Variants in CACNA2D1 observed in about 807,000 individuals in gnomAD.
CACNA2D1 encodes calcium voltage-gated channel auxiliary subunit alpha2delta 1.
A neutral mutation model predicts 171.5 loss-of-function variants in CACNA2D1; 53 were observed. That is an observed-to-expected ratio of 0.31 (90% CI 0.25 to 0.39). The LOEUF (loss-of-function observed/expected upper bound fraction) is 0.39, where lower values mean the gene tolerates loss of function less well. Ranked by LOEUF, CACNA2D1 falls within the 10% of genes least tolerant of loss-of-function variation. CACNA2D1 has a pLI of 1.00. For missense variants in CACNA2D1, 903 were observed against 1,299.8 expected (o/e 0.69, Z 4.69); for synonymous variants, 442 against 443.1 (o/e 1.00, Z 0.03).
At chr7:82,110,596 A>C (rs1453968040) in intron 6 of CACNA2D1, among the ~76,000 whole-genome samples, 3 of 152,102 alleles carry the variant, frequency 2.0e-5, no homozygotes, top group African/African-American at 7.2e-5. Context: ...GTCTGCTGCT[A>C]CCCCTGCTCC....
intron 4 of CACNA2D1, among the ~76,000 whole-genome samples, chr7:82,156,727 A>T (rs2367910): frequency 9.2e-5 from 14 of 151,660 alleles, no homozygotes; most frequent in African/African-American, 2.7e-4. Flanking sequence ...TTTGTGAACA[A>T]GTAAATTGAA....
At position 82,154,678 on chromosome 7, in the gene CACNA2D1, G is replaced by T. The variant is rs573281829; in HGVS notation, c.354+15872C>A. On this transcript the variant is annotated intron_variant, in intron 4 of 38. Transcript: ENST00000356860. Reference sequence around the variant, plus strand: ...AGAGTATTGTACTGAAATTAAAGAGGTATAAAATTTGATTCAGAAACTGAA... The same window carrying T: ...AGAGTATTGTACTGAAATTAAAGAGTTATAAAATTTGATTCAGAAACTGAA... Among the ~76,000 whole-genome samples, 7 of 152,216 alleles carry T rather than the reference G, an allele frequency of 4.6e-5. No individual in the cohort carries two copies. In the East Asian group the frequency reaches 1.4e-3, roughly 29 times the overall value.
intron 3 of CACNA2D1, among the ~76,000 whole-genome samples, chr7:82,240,919 A>G (rs138667976): frequency 0.013 from 1,930 of 152,004 alleles, 84 homozygotes; most frequent in East Asian, 0.11. Flanking sequence ...GTGAGCCGAG[A>G]TCGTGCCACT....
At chr7:81,991,788 A>G (rs1365183883) in intron 20 of CACNA2D1, among the ~76,000 whole-genome samples, 2 of 152,116 alleles carry the variant, frequency 1.3e-5, no homozygotes, top group Non-Finnish European at 2.9e-5. Context: ...GCATGGCTCT[A>G]TCTTTTATAC....
intron 3 of CACNA2D1, among the ~76,000 whole-genome samples, chr7:82,310,129 A>G (rs2129432338): frequency 6.6e-6 from 1 of 152,208 alleles, no homozygotes; most frequent in East Asian, 1.9e-4. Context: ...TATCTTTCTT[A>G]CAAATTATGA....
intron 1 of CACNA2D1, among the ~76,000 whole-genome samples, chr7:82,363,254 C>CTCTTTTTTTTTTTTTTTTTTTT (rs1821286522): frequency 1.6e-5 from 1 of 63,432 alleles, no homozygotes; most frequent in African/African-American, 8.4e-5. Flanking sequence ...TTATTTGTCT[C>CTCTTTTTTTTTTTTTTTTTTTT]TTTTTTTTTT....
intron 3 of CACNA2D1, among the ~76,000 whole-genome samples, chr7:82,219,702 A>G (rs1289348064): frequency 6.6e-6 from 1 of 152,110 alleles, no homozygotes; most frequent in East Asian, 1.9e-4. Context: ...AATAACTTTA[A>G]ATTTATACAT....
intron 12 of CACNA2D1, among the ~76,000 whole-genome samples, chr7:82,031,789 G>A (rs1802732259): frequency 6.6e-6 from 1 of 151,816 alleles, no homozygotes; most frequent in South Asian, 2.1e-4. Context: ...CCCAATCCAT[G>A]TGTGTTCCTC....
At chr7:82,401,991 T>C (rs762258296) in intron 1 of CACNA2D1, among the ~76,000 whole-genome samples, 2 of 152,184 alleles carry the variant, frequency 1.3e-5, no homozygotes, top group African/African-American at 2.4e-5. Flanking sequence ...TTAGTTTCTT[T>C]TTTCACAGAA....
intron 3 of CACNA2D1, among the ~76,000 whole-genome samples, chr7:82,227,691 T>C (rs1375254574): frequency 6.6e-6 from 1 of 152,206 alleles, no homozygotes. Flanking sequence ...TCCAGGTTCA[T>C]AAACCATTGT....
At chr7:82,168,081 T>C (rs1234799779) in intron 4 of CACNA2D1, among the ~76,000 whole-genome samples, 1 of 152,120 alleles carries the variant, frequency 6.6e-6, no homozygotes, top group East Asian at 1.9e-4. Flanking sequence ...TTTTTTCACT[T>C]TTTGACATCT....
chr7:81,999,133 C>T lies in CACNA2D1; in HGVS notation c.1591-1883G>A, dbSNP rs183613279. On this transcript the variant is annotated intron_variant, in intron 18 of 38. Coordinates refer to ENST00000356860, the MANE Select transcript of CACNA2D1 (RefSeq NM_000722.4). ...ACCCAAACAGCATGCATGGAGGAGG[C>T]ATTATCAGGAAGAATTGGCAATATG... 4.6e-3 allele frequency among the ~76,000 whole-genome samples: 705 copies of T among 152,152 alleles called. 4 individuals carry two copies. The highest frequency in any genetic ancestry group is 6.8e-3 in the Middle Eastern group (2 of 294).
At chr7:82,427,061 T>C (rs1173303908) in intron 1 of CACNA2D1, among the ~76,000 whole-genome samples, 1 of 152,174 alleles carries the variant, frequency 6.6e-6, no homozygotes, top group East Asian at 1.9e-4. Context: ...TAATCAGTAA[T>C]ATACGCAGTT....
intron 7 of CACNA2D1, among the ~76,000 whole-genome samples, chr7:82,084,022 T>A (rs1226724809): frequency 6.6e-6 from 1 of 152,152 alleles, no homozygotes; most frequent in African/African-American, 2.4e-5. Flanking sequence ...AGAAAACGCA[T>A]TTTATGTTTT....
At chr7:82,313,319 G>A (rs946094477) in intron 3 of CACNA2D1, among the ~76,000 whole-genome samples, 4 of 150,874 alleles carry the variant, frequency 2.7e-5, no homozygotes, top group African/African-American at 7.3e-5. Context: ...ATTTTGAGAC[G>A]GCTATTCAGA....
chr7:82,247,970 C>A (rs893910131), intron 3 of CACNA2D1, among the ~76,000 whole-genome samples: 1 of 152,110 alleles, frequency 6.6e-6, no homozygotes, highest in African/African-American at 2.4e-5. Context: ...GGAAATAACA[C>A]AAATGCCAGG....
At chr7:82,179,568 C>T (rs1180893357) in intron 3 of CACNA2D1, among the ~76,000 whole-genome samples, 1 of 152,044 alleles carries the variant, frequency 6.6e-6, no homozygotes, top group Non-Finnish European at 1.5e-5. Context: ...TAAACACCAA[C>T]CTAAGTTGCC....
intron 12 of CACNA2D1, among the ~76,000 whole-genome samples, chr7:82,022,280 T>C (rs1265308425): frequency 1.3e-5 from 2 of 151,376 alleles, no homozygotes; most frequent in Admixed American, 1.3e-4. Flanking sequence ...TTTAAATTGA[T>C]GATCGCTCTA....
intron 7 of CACNA2D1, among the ~76,000 whole-genome samples, chr7:82,082,360 C>T (rs1002583779): frequency 1.3e-5 from 2 of 152,048 alleles, no homozygotes; most frequent in Admixed American, 6.5e-5. Context: ...GCTCTTAGAG[C>T]AGAAGGAATG....
Sources: allele counts gnomAD v4.1 joint callset (sites outside exome capture counted in the v4.1 genomes callset), GRCh38; gene constraint gnomAD v4.1.1; transcripts MANE v1.5; gene names NCBI Gene and HGNC (gene_info 2026-07-23, HGNC 2026-07-21).